The following OSBPL8 variants were observed in gnomAD, a reference collection of about 807,000 sequenced individuals.
OSBPL8 encodes oxysterol-binding protein-related protein 8.
A neutral mutation model predicts 125.5 loss-of-function variants in OSBPL8; 59 were observed. The observed-to-expected ratio is 0.47, with a 90% CI of 0.38 to 0.58. OSBPL8 has a LOEUF of 0.58. Ranked by LOEUF, OSBPL8 falls within the 20% of genes least tolerant of loss-of-function variation. The pLI is 0.00. For synonymous variants in OSBPL8, 330 were observed against 338.9 expected, an observed-to-expected ratio of 0.97 and a Z score of 0.29; for missense variants, 758 against 1,047.8, an observed-to-expected ratio of 0.72 and a Z score of 3.82.
At chr12:76,415,808 A>C (rs1380468859) in intron 4 of OSBPL8, among the ~76,000 whole-genome samples, 1 of 152,178 alleles carries the variant, frequency 6.6e-6, no homozygotes. Flanking sequence ...ACTGATTTGC[A>C]GTAACACTCT....
rs375384946 is a variant in OSBPL8 at position 76,390,453 on chromosome 12, G to C, written c.1134C>G (p.Thr378=). The C allele has an allele frequency of 1.4e-5, 23 of 1,613,514 alleles. 1 individual carries two copies. In the Middle Eastern group the frequency reaches 9.9e-4, roughly 69 times the overall value. The change falls in exon 11 of 24, where the codon ACC becomes ACG. Residue 378 remains threonine (T), a synonymous_variant. Coordinates refer to ENST00000261183, the MANE Select transcript of OSBPL8 (RefSeq NM_020841.5). Reference sequence around the variant, plus strand: ...GTTCTTCATGGCTCTGTTCAGTGTAGGTAGTCTCCTTTAAAGGCTCAACAG... The same window carrying C: ...GTTCTTCATGGCTCTGTTCAGTGTACGTAGTCTCCTTTAAAGGCTCAACAG... ...PEPVEPLKET[T]YTEQSHEELG...
At chr12:76,528,646 A>G (rs914098624) in intron 1 of OSBPL8, among the ~76,000 whole-genome samples, 4 of 152,068 alleles carry the variant, frequency 2.6e-5, no homozygotes, top group South Asian at 2.1e-4. Flanking sequence ...GTCACAAGCC[A>G]AAGAAGATAA....
At chr12:76,387,999 TAAAC>T (rs1340861839) in intron 12 of OSBPL8, among the ~76,000 whole-genome samples, 3 of 152,164 alleles carry the variant, frequency 2.0e-5, no homozygotes, top group South Asian at 2.1e-4. Context: ...CATATATAAA[TAAAC>T]AGTCTTGCTT....
At chr12:76,444,083 C>T (rs1744643331) in intron 4 of OSBPL8, among the ~76,000 whole-genome samples, 1 of 151,892 alleles carries the variant, frequency 6.6e-6, no homozygotes, top group African/African-American at 2.4e-5. Flanking sequence ...AAAAAAAATC[C>T]TAAAACAATA....
chr12:76,457,342 T>C (rs778729468), intron 3 of OSBPL8, among the ~76,000 whole-genome samples: 1 of 152,218 alleles, frequency 6.6e-6, no homozygotes, highest in East Asian at 1.9e-4. Flanking sequence ...GTGAAAAGTT[T>C]TGATAAATTT....
At chr12:76,513,762 T>TTC (rs1881248977) in intron 1 of OSBPL8, among the ~76,000 whole-genome samples, 1 of 151,420 alleles carries the variant, frequency 6.6e-6, no homozygotes, top group Non-Finnish European at 1.5e-5. Context: ...TTTTTTTTTT[T>TTC]TCCGGTTTTC....
intron 4 of OSBPL8, among the ~76,000 whole-genome samples, chr12:76,412,651 G>A (rs1713638195): frequency 6.6e-6 from 1 of 152,056 alleles, no homozygotes. Context: ...GAGAACCCGA[G>A]TGTGACACAC....
At chr12:76,523,610 TAAG>T (rs1950082610) in intron 1 of OSBPL8, among the ~76,000 whole-genome samples, 1 of 152,106 alleles carries the variant, frequency 6.6e-6, no homozygotes, top group African/African-American at 2.4e-5. Context: ...AGTGCCCTTA[TAAG>T]AAGAGATACA....
intron 1 of OSBPL8, among the ~76,000 whole-genome samples, chr12:76,537,558 T>G (rs968977350): frequency 1.3e-5 from 2 of 152,162 alleles, no homozygotes; most frequent in Non-Finnish European, 2.9e-5. Flanking sequence ...GTTCTCTGAA[T>G]GAGAGAAATC....
intron 1 of OSBPL8, among the ~76,000 whole-genome samples, chr12:76,509,817 G>C (rs1880794825): frequency 6.6e-6 from 1 of 152,116 alleles, no homozygotes; most frequent in Non-Finnish European, 1.5e-5. Context: ...CAGGGGAGCA[G>C]AAGAAACAAA....
At position 76,549,367 on chromosome 12, in the gene OSBPL8, G is replaced by A. The variant is rs539806404; in HGVS notation, c.-68+10030C>T. ...AACGGATTCTAAAAGTTTTCAGACA[G>A]AATAAAGAACAAATCACCTTAAAAG... On this transcript the variant is annotated intron_variant, in intron 1 of 23. Coordinates refer to ENST00000261183, the MANE Select transcript of OSBPL8 (RefSeq NM_020841.5). 5.9e-5 allele frequency among the ~76,000 whole-genome samples: 9 copies of A among 152,306 alleles called. No individual in the cohort carries two copies. The East Asian group carries it at 1.7e-3, about 29-fold the overall frequency.
intron 1 of OSBPL8, among the ~76,000 whole-genome samples, chr12:76,499,305 T>TC (rs1879623777): frequency 1.6e-4 from 1 of 6,214 alleles, no homozygotes; most frequent in Non-Finnish European, 4.6e-4. Context: ...CTTAATAAAC[T>TC]CTATCTATCT....
intron 3 of OSBPL8, among the ~76,000 whole-genome samples, chr12:76,455,756 T>G (rs2136781041): frequency 6.6e-6 from 1 of 152,310 alleles, no homozygotes; most frequent in Admixed American, 6.5e-5. Context: ...AGTTACATAA[T>G]AGTAGACTAT....
chr12:76,399,814 T>G, intron 7 of OSBPL8, 59 bp downstream of exon 7: 3 of 1,405,858 alleles, frequency 2.1e-6, no homozygotes, highest in Non-Finnish European at 2.9e-6. Flanking sequence ...ACTCCAGGCT[T>G]TTCCATTCCA....
At chr12:76,485,913 G>A in intron 2 of OSBPL8, 1 of 278,076 alleles carries the variant, frequency 3.6e-6, no homozygotes, top group East Asian at 8.9e-5. Flanking sequence ...TGAGTTGAAA[G>A]AATCTAAGTC....
intron 4 of OSBPL8, among the ~76,000 whole-genome samples, chr12:76,426,055 G>A (rs1229244906): frequency 3.3e-5 from 5 of 152,156 alleles, no homozygotes; most frequent in African/African-American, 1.2e-4. Context: ...GGCTGTCTCT[G>A]TATTTTTAGT....
intron 15 of OSBPL8, among the ~76,000 whole-genome samples, chr12:76,381,301 G>T (rs1371540050): frequency 6.6e-6 from 1 of 152,106 alleles, no homozygotes; most frequent in Admixed American, 6.6e-5. Context: ...GCCAAAAATT[G>T]TGTAGAACTG....
At chr12:76,364,327 AG>A (rs1267646287) in intron 21 of OSBPL8, among the ~76,000 whole-genome samples, 2 of 152,250 alleles carry the variant, frequency 1.3e-5, no homozygotes, top group Non-Finnish European at 2.9e-5. Context: ...GCCATAAAAA[AG>A]GATGACTTAA....
chr12:76,470,069 T>C (rs1875948479), intron 2 of OSBPL8, among the ~76,000 whole-genome samples: 2 of 152,242 alleles, frequency 1.3e-5, no homozygotes, highest in Admixed American at 1.3e-4. Context: ...TTTTTGGTAA[T>C]GAAACATGAA....
Sources: allele counts gnomAD v4.1 joint callset (sites outside exome capture counted in the v4.1 genomes callset), GRCh38; gene constraint gnomAD v4.1.1; transcripts MANE v1.5; gene names NCBI Gene and HGNC (gene_info 2026-07-23, HGNC 2026-07-21).